Variants in CACNA2D3 observed in about 807,000 individuals in gnomAD.
CACNA2D3 encodes calcium voltage-gated channel auxiliary subunit alpha2delta 3.
CACNA2D3 carries 60 observed loss-of-function variants against 160.6 expected under a neutral mutation model. That is an observed-to-expected ratio of 0.37 (90% CI 0.30 to 0.46). The LOEUF is 0.46. CACNA2D3 is among the 20% of genes least tolerant of loss of function. The probability of loss-of-function intolerance (pLI) is 1.00; values close to 1 mark genes in which losing one functional copy is unlikely to be tolerated. For missense variants in CACNA2D3, 1,205 were observed against 1,365.0 expected (o/e 0.88, Z 1.85); for synonymous variants, 558 against 492.9 (o/e 1.13, Z -1.75).
At position 54,482,373 on chromosome 3, in the gene CACNA2D3, G is replaced by A. The variant is rs531647845; in HGVS notation, c.382-21119G>A. The stretch of plus-strand genomic sequence containing the variant: ...TATCCCTTATTACACTCTTACAGAC[G>A]TTGATAGTTCAACAATTGGAGCTTT... On this transcript the variant is annotated intron_variant, in intron 4 of 37. Coordinates refer to ENST00000474759, the MANE Select transcript of CACNA2D3 (RefSeq NM_018398.3). Among the ~76,000 whole-genome samples the A allele has an allele frequency of 9.2e-5, 14 of 152,278 alleles. No individual in the cohort carries two copies. In the East Asian group the frequency reaches 2.5e-3, roughly 27 times the overall value.
intron 2 of CACNA2D3, among the ~76,000 whole-genome samples, chr3:54,145,877 C>T (rs1479657033): frequency 6.6e-6 from 1 of 152,192 alleles, no homozygotes; most frequent in Non-Finnish European, 1.5e-5. Flanking sequence ...CTTCACGTCT[C>T]TTAATATCGC....
At chr3:54,351,527 A>C (rs1361425657) in intron 3 of CACNA2D3, among the ~76,000 whole-genome samples, 1 of 152,180 alleles carries the variant, frequency 6.6e-6, no homozygotes, top group African/African-American at 2.4e-5. Flanking sequence ...CTTAGTAACT[A>C]AGGGTAGTTG....
At chr3:54,816,764 A>C (rs1226610448) in intron 13 of CACNA2D3, 89 bp from the exon 14 acceptor site, 5 of 1,495,974 alleles carry the variant, frequency 3.3e-6, no homozygotes, top group Non-Finnish European at 4.5e-6. Context: ...CTCCATTTGC[A>C]AATGGCAAGA....
At chr3:54,670,686 C>G (rs1473323452) in intron 11 of CACNA2D3, among the ~76,000 whole-genome samples, 1 of 152,198 alleles carries the variant, frequency 6.6e-6, no homozygotes, top group African/African-American at 2.4e-5. Context: ...GTTCTTTCTT[C>G]CTGTGATAGG....
chr3:54,921,944 G>C (rs1482477788), intron 27 of CACNA2D3, among the ~76,000 whole-genome samples: 1 of 148,828 alleles, frequency 6.7e-6, no homozygotes, highest in Non-Finnish European at 1.5e-5. Context: ...ACTCATATCT[G>C]TTCCCTTATT....
intron 27 of CACNA2D3, among the ~76,000 whole-genome samples, chr3:54,905,289 C>A (rs1395154419): frequency 6.6e-6 from 1 of 152,122 alleles, no homozygotes; most frequent in Non-Finnish European, 1.5e-5. Context: ...CCCATTTAAC[C>A]AGCTAATTAG....
At chr3:54,290,813 AAAACC>A (rs1703176225) in intron 2 of CACNA2D3, among the ~76,000 whole-genome samples, 1 of 152,146 alleles carries the variant, frequency 6.6e-6, no homozygotes, top group African/African-American at 2.4e-5. Flanking sequence ...GCAAGGATAA[AAAACC>A]AAACACCGCA....
Position 54,816,470 on chromosome 3 carries a change from C to G in CACNA2D3, c.1381-383C>G, listed in dbSNP as rs572923568. ...CTAGTTTTGACAACCCCAAATGTCT[C>G]CAGATGGCCCTCATCCAGTTGAAAA... On this transcript the variant is annotated intron_variant, in intron 13 of 37. Transcript: ENST00000474759. 5.3e-5 allele frequency among the ~76,000 whole-genome samples: 8 copies of G among 152,240 alleles called. No individual in the cohort carries two copies. In the South Asian group the frequency reaches 1.7e-3, roughly 32 times the overall value.
At chr3:54,620,302 G>A (rs1698957011) in intron 9 of CACNA2D3, among the ~76,000 whole-genome samples, 1 of 152,146 alleles carries the variant, frequency 6.6e-6, no homozygotes, top group South Asian at 2.1e-4. Context: ...TACCTTTAAT[G>A]CCTTAATTTT....
chr3:54,487,796 A>T (rs1485220284), intron 4 of CACNA2D3, among the ~76,000 whole-genome samples: 1 of 152,268 alleles, frequency 6.6e-6, no homozygotes, highest in East Asian at 1.9e-4. Flanking sequence ...ATTAATTAAA[A>T]TGAAATAAGA....
At chr3:54,959,531 T>A (rs1382906938) in intron 27 of CACNA2D3, among the ~76,000 whole-genome samples, 1 of 152,084 alleles carries the variant, frequency 6.6e-6, no homozygotes, top group Non-Finnish European at 1.5e-5. Context: ...TATTATTGGT[T>A]TGGAAATGTT....
intron 27 of CACNA2D3, among the ~76,000 whole-genome samples, chr3:54,917,604 CAA>C (rs942962751): frequency 6.6e-6 from 1 of 152,236 alleles, no homozygotes; most frequent in African/African-American, 2.4e-5. Flanking sequence ...TACAGATACA[CAA>C]AAGTCATTAT....
intron 17 of CACNA2D3, among the ~76,000 whole-genome samples, chr3:54,850,677 G>A (rs1035983153): frequency 6.6e-6 from 1 of 152,188 alleles, no homozygotes; most frequent in Non-Finnish European, 1.5e-5. Context: ...AGAACACAAA[G>A]GAGGTTCCCT....
At chr3:54,837,064 C>T (rs1168990112) in intron 14 of CACNA2D3, 95 bp from the exon 15 acceptor site, 2 of 1,030,684 alleles carry the variant, frequency 1.9e-6, no homozygotes, top group African/African-American at 1.6e-5. Flanking sequence ...CTCAACAGCC[C>T]CTGGTTTGGA....
intron 27 of CACNA2D3, among the ~76,000 whole-genome samples, chr3:54,900,782 T>C (rs1208990020): frequency 6.6e-6 from 1 of 152,224 alleles, no homozygotes; most frequent in African/African-American, 2.4e-5. Context: ...GGAGTATAAA[T>C]GGAGCAGATG....
At chr3:54,895,113 A>G (rs920525681) in intron 25 of CACNA2D3, among the ~76,000 whole-genome samples, 21 of 152,212 alleles carry the variant, frequency 1.4e-4, no homozygotes, top group African/African-American at 4.8e-4. Context: ...ACCTAGTTCT[A>G]GTAGCACAAA....
intron 13 of CACNA2D3, among the ~76,000 whole-genome samples, chr3:54,792,584 T>C (rs1465978526): frequency 1.3e-5 from 2 of 152,318 alleles, no homozygotes; most frequent in African/African-American, 4.8e-5. Context: ...TGTGGTTTTA[T>C]TTTCAGATGA....
chr3:54,484,021 T>C (rs1047948029), intron 4 of CACNA2D3, among the ~76,000 whole-genome samples: 21 of 152,196 alleles, frequency 1.4e-4, no homozygotes, highest in Non-Finnish European at 4.4e-5. Context: ...CTCCTAGCTG[T>C]AGGACCTTCA....
chr3:54,146,696 G>A (rs1045227760), intron 2 of CACNA2D3, among the ~76,000 whole-genome samples: 2 of 152,224 alleles, frequency 1.3e-5, no homozygotes, highest in Admixed American at 6.5e-5. Context: ...TGGTCTTTCT[G>A]AGCCGCATGT....
Sources: allele counts gnomAD v4.1 joint callset (sites outside exome capture counted in the v4.1 genomes callset), GRCh38; gene constraint gnomAD v4.1.1; transcripts MANE v1.5; gene names NCBI Gene and HGNC (gene_info 2026-07-23, HGNC 2026-07-21).